SLC41A2: variants seen among roughly 807,000 people sequenced by gnomAD.
SLC41A2 encodes the protein SLC41A1-like 1.
Under a neutral mutation model 58.3 loss-of-function variants are expected in SLC41A2, and 32 were observed. That is an observed-to-expected ratio of 0.55 (90% CI 0.41 to 0.74). The LOEUF is 0.74. Ranked by LOEUF, SLC41A2 falls within the 30% of genes least tolerant of loss-of-function variation. SLC41A2 has a pLI of 0.00. For missense variants in SLC41A2, 514 were observed against 680.6 expected (o/e 0.76, Z 2.72); for synonymous variants, 190 against 235.0 (o/e 0.81, Z 1.75).
intron 6 of SLC41A2, among the ~76,000 whole-genome samples, chr12:104,872,588 C>T (rs2043841808): frequency 6.6e-6 from 1 of 152,074 alleles, no homozygotes. Context: ...CAAAAATTAG[C>T]CAGGTGTGGT....
intron 6 of SLC41A2, among the ~76,000 whole-genome samples, chr12:104,873,400 A>G (rs2043885390): frequency 6.6e-6 from 1 of 152,208 alleles, no homozygotes. Context: ...CATTGTATAT[A>G]TACTACAATT....
chr12:104,825,451 T>C (rs2041806666), intron 10 of SLC41A2, among the ~76,000 whole-genome samples: 1 of 152,204 alleles, frequency 6.6e-6, no homozygotes, highest in Admixed American at 6.5e-5. Flanking sequence ...GAAAAAGATA[T>C]AAGAATTAGA....
intron 10 of SLC41A2, among the ~76,000 whole-genome samples, chr12:104,843,677 A>C (rs946156811): frequency 7.2e-5 from 11 of 152,122 alleles, no homozygotes; most frequent in African/African-American, 2.7e-4. Context: ...TTACTAAGCA[A>C]ACACAAAAAT....
intron 6 of SLC41A2, among the ~76,000 whole-genome samples, chr12:104,884,426 T>A (rs2044551603): frequency 2.0e-5 from 3 of 152,176 alleles, no homozygotes; most frequent in Non-Finnish European, 4.4e-5. Context: ...TCTGCGTCGC[T>A]CACTGAGAGC....
Position 104,805,109 on chromosome 12 carries a change from G to GTATT in SLC41A2, c.*39_*42dup, listed in dbSNP as rs749332768. ...AAAAAGAGCCATAAGTGGTTGTCGT[G>GTATT]TATTTTCTTCCTTGGTAACTTGAGA... On this transcript the variant is annotated 3_prime_UTR_variant, in exon 11 of 11. Transcript: ENST00000258538. The GTATT allele has an allele frequency of 4.7e-6, 7 of 1,503,198 alleles. No individual in the cohort carries two copies. The highest frequency in any genetic ancestry group is 4.7e-5 in the East Asian group (2 of 42,356). The allele number at this position is 1,503,198 out of a possible 1,614,324, so 93.1% of individuals were successfully genotyped here.
chr12:104,828,774 C>T (rs2041939461), intron 10 of SLC41A2, among the ~76,000 whole-genome samples: 1 of 151,924 alleles, frequency 6.6e-6, no homozygotes. Context: ...ATTTCCAATA[C>T]ATATATCTAA....
chr12:104,919,578 TG>T (rs1440504012), intron 2 of SLC41A2, among the ~76,000 whole-genome samples: 1 of 152,248 alleles, frequency 6.6e-6, no homozygotes, highest in African/African-American at 2.4e-5. Flanking sequence ...GGTTTTCATT[TG>T]CATTTCTCTA....
intron 6 of SLC41A2, among the ~76,000 whole-genome samples, chr12:104,881,302 G>A (rs948404697): frequency 2.6e-5 from 4 of 152,110 alleles, no homozygotes. Flanking sequence ...GGGTTCTTTT[G>A]TGTCTCTATC....
chr12:104,950,137 TA>T (rs1359389781), intron 1 of SLC41A2, among the ~76,000 whole-genome samples: 1 of 152,194 alleles, frequency 6.6e-6, no homozygotes, highest in Non-Finnish European at 1.5e-5. Context: ...TGAGGAAGAA[TA>T]AATAACTTCC....
intron 10 of SLC41A2, among the ~76,000 whole-genome samples, chr12:104,806,642 T>G (rs1351523961): frequency 2.0e-5 from 3 of 151,742 alleles, no homozygotes; most frequent in Admixed American, 6.6e-5. Context: ...ATCGCCACAC[T>G]GACTTCCACA....
At chr12:104,927,829 C>T in intron 2 of SLC41A2, 144 bp downstream of exon 2, 1 of 697,440 alleles carries the variant, frequency 1.4e-6, no homozygotes, top group South Asian at 4.4e-5. Flanking sequence ...TAGATTCTCT[C>T]CCAGAGTCAG....
chr12:104,928,183 A>G lies in SLC41A2; in HGVS notation c.345T>C (p.Tyr115=), dbSNP rs2046919199. Residue 115 remains tyrosine, a synonymous_variant, in exon 2 of 11, where the codon TAT becomes TAC. Coordinates refer to ENST00000258538, the MANE Select transcript of SLC41A2 (RefSeq NM_001352171.3). ...AAGTCTCCCTTCCATCACAGTAATT[A>G]TAATTGGCATAGTCATCATACTTTT... ...CSQKYDDYAN[Y]NYCDGRETSE... is the part of the protein sequence containing the mutation. The G allele has an allele frequency of 6.2e-7, 1 of 1,614,078 alleles. No homozygotes were observed. Among genetic ancestry groups the G allele is most frequent in the South Asian group, 1.1e-5 (1 of 91,084 alleles).
At chr12:104,833,872 A>G (rs2042122102) in intron 10 of SLC41A2, among the ~76,000 whole-genome samples, 1 of 151,786 alleles carries the variant, frequency 6.6e-6, no homozygotes, top group South Asian at 2.1e-4. Context: ...AATTATTTTT[A>G]CACTTTTCAA....
intron 3 of SLC41A2, among the ~76,000 whole-genome samples, chr12:104,906,197 C>A (rs1352425759): frequency 6.6e-6 from 1 of 152,164 alleles, no homozygotes; most frequent in Non-Finnish European, 1.5e-5. Context: ...TCAGCTGACA[C>A]CAAATGTCAC....
chr12:104,926,883 T>C (rs1005023849), intron 2 of SLC41A2, among the ~76,000 whole-genome samples: 1 of 152,038 alleles, frequency 6.6e-6, no homozygotes, highest in Non-Finnish European at 1.5e-5. Context: ...CCCAGGAGTT[T>C]GAGACCCGCC....
intron 2 of SLC41A2, among the ~76,000 whole-genome samples, chr12:104,917,408 A>T (rs1328675160): frequency 6.6e-6 from 1 of 152,214 alleles, no homozygotes; most frequent in African/African-American, 2.4e-5. Flanking sequence ...ATTGTGGAAG[A>T]CAGTGTGGCG....
chr12:104,892,300 A>AT (rs2045024240), intron 4 of SLC41A2, among the ~76,000 whole-genome samples: 3 of 140,196 alleles, frequency 2.1e-5, no homozygotes, highest in Admixed American at 1.4e-4. Flanking sequence ...CATCTCAAAA[A>AT]AAAAATAAAA....
intron 7 of SLC41A2, among the ~76,000 whole-genome samples, 172 bp downstream of exon 7, chr12:104,866,260 C>A (rs912605228): frequency 2.0e-5 from 3 of 151,766 alleles, no homozygotes; most frequent in African/African-American, 7.3e-5. Flanking sequence ...TTATAATACC[C>A]GGGAGAATAA....
chr12:104,839,649 G>A (rs962527709), intron 10 of SLC41A2, among the ~76,000 whole-genome samples: 4 of 151,810 alleles, frequency 2.6e-5, no homozygotes, highest in South Asian at 2.1e-4. Flanking sequence ...GATTACAGGC[G>A]TGCACCACCA....
Sources: gnomAD v4.1 joint callset for allele counts (sites outside exome capture counted in the v4.1 genomes callset) on GRCh38, gnomAD v4.1.1 for gene constraint, MANE v1.5 for transcripts, NCBI Gene and HGNC (gene_info 2026-07-23, HGNC 2026-07-21) for gene names.